The following ADGRA3 variants were observed in gnomAD, a reference collection of about 807,000 sequenced individuals.
The protein encoded by ADGRA3 is G-protein coupled receptor 125.
A neutral mutation model predicts 119.8 loss-of-function variants in ADGRA3; 56 were observed. The observed-to-expected ratio is 0.47, with a 90% CI of 0.38 to 0.58. The LOEUF is 0.58. Among genes scored for constraint, ADGRA3 ranks in the 20% least tolerant of loss-of-function variants. The probability of loss-of-function intolerance (pLI) is 0.00; values close to 1 mark genes in which losing one functional copy is unlikely to be tolerated. For synonymous variants in ADGRA3, 607 were observed against 623.8 expected, an observed-to-expected ratio of 0.97 and a Z score of 0.40; for missense variants, 1,516 against 1,649.0, an observed-to-expected ratio of 0.92 and a Z score of 1.40.
At chr4:22,514,823 A>C (rs1560356526) in intron 1 of ADGRA3, among the ~76,000 whole-genome samples, 1 of 152,214 alleles carries the variant, frequency 6.6e-6, no homozygotes, top group Non-Finnish European at 1.5e-5. Context: ...TCCAGGTGGA[A>C]ACTCAATCCG....
intron 17 of ADGRA3, 33 bp from the exon 18 acceptor site, chr4:22,389,216 T>C (rs770468726): frequency 2.1e-5 from 29 of 1,368,838 alleles, no homozygotes; most frequent in South Asian, 9.3e-5. Flanking sequence ...AAACCACTCA[T>C]CATTCCATTT....
intron 10 of ADGRA3, among the ~76,000 whole-genome samples, chr4:22,430,589 G>C (rs1260566063): frequency 6.6e-6 from 1 of 152,038 alleles, no homozygotes; most frequent in Non-Finnish European, 1.5e-5. Flanking sequence ...GTGCCGTAAA[G>C]GGCATTCCAT....
intron 1 of ADGRA3, among the ~76,000 whole-genome samples, chr4:22,486,409 G>A (rs1200832677): frequency 6.6e-6 from 1 of 152,146 alleles, no homozygotes; most frequent in Non-Finnish European, 1.5e-5. Context: ...TCCAGGGAAA[G>A]CTACAACTCA....
chr4:22,428,783 T>C (rs1328285033), intron 10 of ADGRA3, among the ~76,000 whole-genome samples: 1 of 152,222 alleles, frequency 6.6e-6, no homozygotes, highest in Non-Finnish European at 1.5e-5. Flanking sequence ...TGGCTTTACG[T>C]GCCACAGGAT....
Position 22,515,525 on chromosome 4 carries a change from C to T in ADGRA3, c.257+3G>A. On this transcript the variant is annotated splice_donor_region_variant and intron_variant, in intron 1 of 18. Coordinates refer to ENST00000334304, the MANE Select transcript of ADGRA3 (RefSeq NM_145290.4). ...AGGACCCAGCGTCGCGGGAGATACTCACAGGGTGACCGTGCGGTTGGGCAG... is the reference window on the plus strand; with the variant it reads ...AGGACCCAGCGTCGCGGGAGATACTTACAGGGTGACCGTGCGGTTGGGCAG... The T allele has an allele frequency of 6.2e-7, 1 of 1,605,258 alleles. No individual in the cohort carries two copies. The highest frequency in any genetic ancestry group is 8.5e-7 in the Non-Finnish European group (1 of 1,175,958).
In ADGRA3 at chr4:22,442,742, C is replaced by G. The variant is rs773889398; in HGVS notation, c.828G>C (p.Leu276Phe). ...ASYIDQDMQV[L>F]WYQDGRIVET... ...CAACTATTCTCCCATCCTGATACCA[C>G]AACACTTGCATGTCCTGATCAATAT... Residue 276 changes from leucine (L) to phenylalanine (F), a missense_variant, in exon 7 of 19, where the codon TTG (leucine) becomes TTC (phenylalanine). Leu to Phe is a conservative substitution (Grantham distance 22, BLOSUM62 0). Transcript: ENST00000334304. The G allele has an allele frequency of 6.2e-6, 10 of 1,612,386 alleles. 1 individual carries two copies. Among genetic ancestry groups the G allele is most frequent in the Admixed American group, 1.7e-5 (1 of 59,930 alleles).
intron 10 of ADGRA3, among the ~76,000 whole-genome samples, chr4:22,428,884 G>A (rs13135121): frequency 0.67 from 101,096 of 151,962 alleles, 34,417 homozygotes; most frequent in Non-Finnish European, 0.74. Flanking sequence ...TATGGCAAAG[G>A]TTAAAGCTCT....
At chr4:22,430,543 A>G (rs956241982) in intron 10 of ADGRA3, among the ~76,000 whole-genome samples, 14 of 152,172 alleles carry the variant, frequency 9.2e-5, no homozygotes, top group Non-Finnish European at 4.4e-5. Flanking sequence ...GACAGAAGAA[A>G]TTTCTAAGCA....
intron 3 of ADGRA3, among the ~76,000 whole-genome samples, chr4:22,457,343 C>T (rs1033270631): frequency 6.6e-6 from 1 of 152,148 alleles, no homozygotes; most frequent in African/African-American, 2.4e-5. Flanking sequence ...AAGGGAGATG[C>T]ACAACTGAAA....
intron 1 of ADGRA3, among the ~76,000 whole-genome samples, chr4:22,487,321 G>T (rs1460532521): frequency 1.3e-5 from 2 of 152,114 alleles, no homozygotes; most frequent in Non-Finnish European, 2.9e-5. Flanking sequence ...TCCATGGATG[G>T]GGGAAACAGG....
At chr4:22,462,355 C>T (rs1385158949) in intron 2 of ADGRA3, among the ~76,000 whole-genome samples, 1 of 151,966 alleles carries the variant, frequency 6.6e-6, no homozygotes, top group African/African-American at 2.4e-5. Context: ...GCTCTGTCAC[C>T]CAGGCTGGAG....
chr4:22,473,703 A>T, intron 2 of ADGRA3, 69 bp downstream of exon 2: 1 of 898,520 alleles, frequency 1.1e-6, no homozygotes, highest in Non-Finnish European at 1.7e-6. Context: ...TCACAGATTT[A>T]CAATGAAGAT....
At chr4:22,408,714 G>T (rs1715057069) in intron 14 of ADGRA3, among the ~76,000 whole-genome samples, 1 of 152,058 alleles carries the variant, frequency 6.6e-6, no homozygotes, top group South Asian at 2.1e-4. Context: ...TAACCACTTT[G>T]GTCAACTGCA....
At chr4:22,438,142 A>G in intron 8 of ADGRA3, 114 bp downstream of exon 8, 1 of 739,028 alleles carries the variant, frequency 1.4e-6, no homozygotes, top group Non-Finnish European at 2.3e-6. Context: ...TAGTCCTCAG[A>G]CATGTGCAGT....
chr4:22,388,404 G>A lies in ADGRA3; in HGVS notation c.3267C>T (p.Cys1089=). The A allele has an allele frequency of 6.2e-7, 1 of 1,614,028 alleles. No homozygotes were observed. Among genetic ancestry groups the A allele is most frequent in the South Asian group, 1.1e-5 (1 of 91,068 alleles). Reference sequence around the variant, plus strand: ...ATGAAGACTCCGCACTGCTATTGGGGCATTTGGGTGCCTCTCCATTCGTCC... The same window carrying A: ...ATGAAGACTCCGCACTGCTATTGGGACATTTGGGTGCCTCTCCATTCGTCC... ...SNGTNGEAPK[C]PNSSAESSCT... Residue 1089 remains cysteine, a synonymous_variant, in exon 19 of 19, where the codon TGC becomes TGT. Transcript: ENST00000334304.
intron 9 of ADGRA3, among the ~76,000 whole-genome samples, 159 bp from the exon 10 acceptor site, chr4:22,435,625 A>G (rs562762522): frequency 6.6e-6 from 1 of 152,312 alleles, no homozygotes; most frequent in African/African-American, 2.4e-5. Flanking sequence ...ACCCAAGAAA[A>G]CTGGAATTTT....
chr4:22,439,877 G>A (rs58085661), intron 7 of ADGRA3, among the ~76,000 whole-genome samples: 1 of 152,054 alleles, frequency 6.6e-6, no homozygotes, highest in Non-Finnish European at 1.5e-5. Flanking sequence ...AAAAAATACC[G>A]ATGGTGGTTT....
At chr4:22,486,731 T>A (rs1577377626) in intron 1 of ADGRA3, among the ~76,000 whole-genome samples, 2 of 152,210 alleles carry the variant, frequency 1.3e-5, no homozygotes, top group African/African-American at 4.8e-5. Context: ...CATTTAATAG[T>A]AATCACAGAA....
chr4:22,419,746 T>G (rs563612305), intron 12 of ADGRA3, among the ~76,000 whole-genome samples: 2 of 151,980 alleles, frequency 1.3e-5, no homozygotes, highest in Non-Finnish European at 2.9e-5. Flanking sequence ...TTTTATAGTA[T>G]GTTTGTGGTT....
Sources: gnomAD v4.1 joint callset for allele counts (sites outside exome capture counted in the v4.1 genomes callset) on GRCh38, gnomAD v4.1.1 for gene constraint, MANE v1.5 for transcripts, NCBI Gene and HGNC (gene_info 2026-07-23, HGNC 2026-07-21) for gene names.